Variants in NRXN3 observed in about 807,000 individuals in gnomAD.
The protein encoded by NRXN3 is neurexin III.
NRXN3 carries 32 observed loss-of-function variants against 137.6 expected under a neutral mutation model. The ratio of observed to expected loss-of-function variants is 0.23; its 90% CI spans 0.18 to 0.31. The LOEUF (loss-of-function observed/expected upper bound fraction) is 0.31. Among genes scored for constraint, NRXN3 ranks in the 10% least tolerant of loss-of-function variants. The pLI is 1.00. For missense variants in NRXN3, 1,574 were observed against 2,062.5 expected (o/e 0.76, Z 4.59); for synonymous variants, 798 against 784.5 (o/e 1.02, Z -0.29).
chr14:78,535,271 G>T (rs1330202683), intron 4 of NRXN3, among the ~76,000 whole-genome samples: 1 of 152,182 alleles, frequency 6.6e-6, no homozygotes, highest in East Asian at 1.9e-4. Context: ...TGGAGGGAGA[G>T]TGGGGAGGGG....
intron 4 of NRXN3, among the ~76,000 whole-genome samples, chr14:78,531,371 A>G (rs2096459402): frequency 6.6e-6 from 1 of 152,204 alleles, no homozygotes; most frequent in South Asian, 2.1e-4. Flanking sequence ...AGAAATTCAG[A>G]GTTATCCCAG....
chr14:79,825,132 G>C (rs116960601), intron 20 of NRXN3, among the ~76,000 whole-genome samples: 1 of 148,554 alleles, frequency 6.7e-6, no homozygotes, highest in Non-Finnish European at 1.5e-5. Flanking sequence ...AGGCTGTTTT[G>C]TTCTGCATCC....
At chr14:78,899,612 G>A (rs1340191464) in intron 10 of NRXN3, among the ~76,000 whole-genome samples, 2 of 151,892 alleles carry the variant, frequency 1.3e-5, no homozygotes, top group East Asian at 1.9e-4. Flanking sequence ...GTCATTTTAA[G>A]CTAATATACA....
intron 8 of NRXN3, among the ~76,000 whole-genome samples, chr14:78,784,726 G>C (rs757922191): frequency 4.3e-4 from 66 of 152,224 alleles, no homozygotes; most frequent in Non-Finnish European, 4.3e-4. Flanking sequence ...AGATGATTTC[G>C]GAAGTCTAGT....
At chr14:78,582,818 A>G (rs1600824781) in intron 4 of NRXN3, among the ~76,000 whole-genome samples, 1 of 152,222 alleles carries the variant, frequency 6.6e-6, no homozygotes, top group Admixed American at 6.5e-5. Context: ...ATGATGTAGA[A>G]AGTAAATACA....
chr14:79,236,511 T>A (rs2073390851), intron 15 of NRXN3, among the ~76,000 whole-genome samples: 1 of 152,140 alleles, frequency 6.6e-6, no homozygotes, highest in Non-Finnish European at 1.5e-5. Context: ...TCTATCAGCA[T>A]AGGTGATAGC....
chr14:78,715,754 A>G (rs757024898), intron 8 of NRXN3, among the ~76,000 whole-genome samples: 1 of 152,196 alleles, frequency 6.6e-6, no homozygotes, highest in Non-Finnish European at 1.5e-5. Flanking sequence ...TGACTTCCTC[A>G]TTTGTAAAAT....
At chr14:78,616,451 T>G (rs968647166) in intron 4 of NRXN3, among the ~76,000 whole-genome samples, 6 of 152,210 alleles carry the variant, frequency 3.9e-5, no homozygotes, top group African/African-American at 1.4e-4. Flanking sequence ...CTAAATTAGC[T>G]CCTTCTACTT....
At chr14:79,552,410 T>C (rs1226756172) in intron 16 of NRXN3, among the ~76,000 whole-genome samples, 1 of 152,194 alleles carries the variant, frequency 6.6e-6, no homozygotes, top group African/African-American at 2.4e-5. Context: ...TGAGCTTTAT[T>C]TTATTTCTGT....
chr14:78,967,311 C>A lies in NRXN3; in HGVS notation c.2881C>A (p.Arg961=). 2 of 1,613,794 alleles carry A rather than the reference C, an allele frequency of 1.2e-6. No homozygotes were observed. Among genetic ancestry groups the A allele is most frequent in the Admixed American group, 1.7e-5 (1 of 59,992 alleles). The change falls in exon 13 of 21, where the codon CGG becomes AGG. Residue 961 remains arginine (R), a synonymous_variant. Coordinates refer to ENST00000335750, the MANE Select transcript of NRXN3 (RefSeq NM_001330195.2). ...DNQWHNVVIT[R]DNSNTHSLKV... is the part of the protein sequence containing the mutation. ...CCAGTGGCACAATGTCGTCATCACTCGGGACAATAGTAACACTCATAGCCT... is the reference window on the plus strand; with the variant it reads ...CCAGTGGCACAATGTCGTCATCACTAGGGACAATAGTAACACTCATAGCCT...
chr14:79,730,660 T>A (rs544564105), intron 19 of NRXN3, among the ~76,000 whole-genome samples: 126 of 152,298 alleles, frequency 8.3e-4, no homozygotes, highest in African/African-American at 2.7e-3. Flanking sequence ...ACCAAAAAAA[T>A]TGAGTTGTAG....
chr14:79,819,547 C>G (rs1196859464), intron 20 of NRXN3, among the ~76,000 whole-genome samples: 5 of 128,022 alleles, frequency 3.9e-5, no homozygotes, highest in African/African-American at 1.6e-4. Flanking sequence ...GGCAGTGGCA[C>G]AATCTCGGCT....
intron 4 of NRXN3, among the ~76,000 whole-genome samples, chr14:78,497,966 C>T (rs2095816310): frequency 1.3e-5 from 2 of 152,220 alleles, no homozygotes; most frequent in African/African-American, 4.8e-5. Context: ...ATTCAATCAT[C>T]TCCCCTTTCG....
chr14:78,684,932 T>G (rs2098112714), intron 6 of NRXN3, among the ~76,000 whole-genome samples: 1 of 152,250 alleles, frequency 6.6e-6, no homozygotes, highest in Non-Finnish European at 1.5e-5. Flanking sequence ...TGACTTGTAT[T>G]ATGCTTTACA....
chr14:79,722,990 T>C (rs184541860), intron 19 of NRXN3, among the ~76,000 whole-genome samples: 1 of 152,234 alleles, frequency 6.6e-6, no homozygotes, highest in African/African-American at 2.4e-5. Context: ...AGCATAGTCT[T>C]GAGTGGGCTT....
At chr14:79,142,596 C>T (rs1568415154) in intron 15 of NRXN3, among the ~76,000 whole-genome samples, 1 of 151,992 alleles carries the variant, frequency 6.6e-6, no homozygotes, top group Non-Finnish European at 1.5e-5. Context: ...GCATGCATGC[C>T]AGGTTAAGAA....
chr14:79,347,264 A>G (rs1179491750), intron 15 of NRXN3, among the ~76,000 whole-genome samples: 1 of 152,142 alleles, frequency 6.6e-6, no homozygotes, highest in Non-Finnish European at 1.5e-5. Context: ...TTAAAAATTA[A>G]ATAAAAACTA....
At position 78,319,142 on chromosome 14, in the gene NRXN3, A is replaced by T. The variant is rs891922417; in HGVS notation, c.757+21282A>T. ...AATAAGTCAGAATGCAAAGATCCAAAGGAGGAGAACAGCACTCCTTGGAAG... is the reference window on the plus strand; with the variant it reads ...AATAAGTCAGAATGCAAAGATCCAATGGAGGAGAACAGCACTCCTTGGAAG... On this transcript the variant is annotated intron_variant, in intron 4 of 20. Coordinates refer to ENST00000335750, the MANE Select transcript of NRXN3 (RefSeq NM_001330195.2). Among the ~76,000 whole-genome samples, 26 of 152,326 alleles carry T rather than the reference A, an allele frequency of 1.7e-4. No homozygotes were observed. The East Asian group carries it at 2.7e-3, about 16-fold the overall frequency.
chr14:79,753,593 A>G, intron 19 of NRXN3, among the ~76,000 whole-genome samples: 1 of 123,878 alleles, frequency 8.1e-6, no homozygotes, highest in African/African-American at 3.1e-5. Context: ...GGGGGGAGGG[A>G]TAGCATTAGG....
Sources: gnomAD v4.1 joint callset for allele counts (sites outside exome capture counted in the v4.1 genomes callset) on GRCh38, gnomAD v4.1.1 for gene constraint, MANE v1.5 for transcripts, NCBI Gene and HGNC (gene_info 2026-07-23, HGNC 2026-07-21) for gene names.